The following C19orf38 variants were observed in gnomAD, a reference collection of about 807,000 sequenced individuals.
C19orf38 encodes the protein chromosome 19 open reading frame 38, also known as protein HIDE1.
A neutral mutation model predicts 26.6 loss-of-function variants in C19orf38; 14 were observed. The observed-to-expected ratio is 0.53, with a 90% CI of 0.35 to 0.82. The LOEUF (loss-of-function observed/expected upper bound fraction) is 0.82, where lower values mean the gene tolerates loss of function less well. C19orf38 is among the 40% of genes least tolerant of loss of function. C19orf38 has a pLI of 0.01. For synonymous variants in C19orf38, 132 were observed against 128.5 expected (o/e 1.03, Z -0.18); for missense variants, 261 against 299.5 (o/e 0.87, Z 0.95).
intron 1 of C19orf38, among the ~76,000 whole-genome samples, chr19:10,838,068 T>A (rs745980181): frequency 1.3e-5 from 2 of 152,220 alleles, no homozygotes; most frequent in Non-Finnish European, 2.9e-5. Context: ...GTGTTGGGAT[T>A]ACTAAAATTG....
chr19:10,841,977 C>G (rs906428222), intron 1 of C19orf38: 65 of 1,610,206 alleles, frequency 4.0e-5, no homozygotes, highest in Middle Eastern at 2.2e-4. Context: ...AATTTCAGGT[C>G]TTAAATCTGG....
chr19:10,859,254 GTGTGTGTGTGTGTGTGTGTGTGTGTA>G (rs2073664198), intron 4 of C19orf38, among the ~76,000 whole-genome samples: 1 of 133,626 alleles, frequency 7.5e-6, no homozygotes, highest in Non-Finnish European at 1.6e-5. Flanking sequence ...ATGTGTGTGT[GTGTGTGTGTGTGTGTGTGTGTGTGTA>G]TGTGTGTGTG....
intron 1 of C19orf38, among the ~76,000 whole-genome samples, chr19:10,837,299 A>T (rs887191699): frequency 3.9e-5 from 6 of 152,118 alleles, no homozygotes; most frequent in Admixed American, 6.6e-5. Flanking sequence ...GATGACAAAG[A>T]TCCCTCAAAT....
At chr19:10,839,511 G>GC (rs1220808084) in intron 1 of C19orf38, among the ~76,000 whole-genome samples, 4 of 152,058 alleles carry the variant, frequency 2.6e-5, no homozygotes, top group African/African-American at 4.8e-5. Context: ...ATTACACTTT[G>GC]CCCCCCGCCT....
In C19orf38 at chr19:10,869,440, G is replaced by T; in HGVS notation, c.*73G>T. 6.9e-7 allele frequency: 1 copy of T among 1,457,034 alleles called. No homozygotes were observed. Among genetic ancestry groups the T allele is most frequent in the Non-Finnish European group, 9.1e-7 (1 of 1,100,964 alleles). 90.3% of individuals were successfully genotyped at this position (1,457,034 alleles called of 1,614,324 possible). ...AGGTCCCTCCAGCTACTTCTGGGGG[G>T]GCTCTGTCAGCCACTTTCTCAGGGA... On this transcript the variant is annotated 3_prime_UTR_variant, in exon 7 of 7. Transcript: ENST00000397820.
chr19:10,862,469 C>T (rs75676272), intron 5 of C19orf38, among the ~76,000 whole-genome samples: 1 of 151,958 alleles, frequency 6.6e-6, no homozygotes, highest in African/African-American at 2.4e-5. Context: ...CCTTCCAAAG[C>T]GTTGGGATTA....
At position 10,866,204 on chromosome 19, in the gene C19orf38, A is replaced by AT. The variant is rs761189003; in HGVS notation, c.544-2999dup. 3.6e-3 allele frequency among the ~76,000 whole-genome samples: 464 copies of AT among 129,182 alleles called. 7 individuals are homozygous for AT. In the South Asian group the frequency reaches 0.052, roughly 15 times the overall value. The allele number at this position is 129,182 out of a possible 152,430, so 84.7% of individuals were successfully genotyped here. A position where few individuals can be genotyped will look rare whatever the true frequency, so the allele number is the denominator to read the frequency against. ...AGGTGCCTGCCACCATGCCTGGCTA[A>AT]TTTTTTTTTTTTTTTGAGACGGACT... On this transcript the variant is annotated intron_variant, in intron 6 of 6. Transcript: ENST00000397820.
At chr19:10,852,615 A>G (rs2073584230) in intron 2 of C19orf38, among the ~76,000 whole-genome samples, 1 of 152,184 alleles carries the variant, frequency 6.6e-6, no homozygotes, top group African/African-American at 2.4e-5. Context: ...TGTTGCAGGC[A>G]GAGGATACAG....
intron 5 of C19orf38, among the ~76,000 whole-genome samples, chr19:10,861,348 G>A (rs1260378086): frequency 6.6e-6 from 1 of 152,202 alleles, no homozygotes; most frequent in African/African-American, 2.4e-5. Flanking sequence ...CTGTCATGCA[G>A]GATATTCTCT....
intron 6 of C19orf38, among the ~76,000 whole-genome samples, chr19:10,867,638 A>ATT (rs2073765021): frequency 1.1e-5 from 1 of 89,892 alleles, no homozygotes; most frequent in Non-Finnish European, 2.3e-5. Flanking sequence ...AAGGAAGAAC[A>ATT]TTCTTTTTTT....
upstream of C19orf38, chr19:10,848,323 G>C: frequency 1.6e-6 from 1 of 611,068 alleles, no homozygotes; most frequent in Non-Finnish European, 3.0e-6. Flanking sequence ...GGGAAGGGGT[G>C]GGGAGGGGAG....
intron 2 of C19orf38, among the ~76,000 whole-genome samples, chr19:10,853,047 C>CAA (rs530349055): frequency 5.9e-5 from 5 of 84,596 alleles, no homozygotes; most frequent in African/African-American, 1.3e-4. Flanking sequence ...CCTGTCTCTA[C>CAA]AAAAAAAAAA....
At chr19:10,857,339 C>CATATATATATATATATAT (rs1215628613) in intron 3 of C19orf38, among the ~76,000 whole-genome samples, 8 of 54,014 alleles carry the variant, frequency 1.5e-4, no homozygotes, top group African/African-American at 5.4e-4. Flanking sequence ...CACACACATA[C>CATATATATATATATATAT]ATATATATAT....
chr19:10,863,277 G>A lies in C19orf38; in HGVS notation c.543+70G>A. The A allele has an allele frequency of 2.7e-6, 4 of 1,490,580 alleles. No homozygotes were observed. The East Asian group carries it at 9.9e-5, about 37-fold the overall frequency. 92.3% of individuals were successfully genotyped at this position (1,490,580 alleles called of 1,614,324 possible). On this transcript the variant is annotated intron_variant, in intron 6 of 6. Coordinates refer to ENST00000397820, the MANE Select transcript of C19orf38 (RefSeq NM_001136482.3). Reference sequence around the variant, plus strand: ...TACCGGGAGAACGGGGCGGGCTCAAGGGGCACCACGAGGCTAAGTTGACCT... The same window carrying A: ...TACCGGGAGAACGGGGCGGGCTCAAAGGGCACCACGAGGCTAAGTTGACCT...
rs1453593093 is a variant in C19orf38 at position 10,863,196 on chromosome 19, A to C, written c.532A>C (p.Thr178Pro). 6.4e-7 allele frequency: 1 copy of C among 1,551,324 alleles called. No individual in the cohort carries two copies. ...TDMSFDNSLF[T>P]VSAKTMPEED... Reference sequence around the variant, plus strand: ...CATGTCCTTCGATAACTCCCTGTTTACCGTCTCCGCGGTGAGTGGTTCTTT... The same window carrying C: ...CATGTCCTTCGATAACTCCCTGTTTCCCGTCTCCGCGGTGAGTGGTTCTTT... The change falls in exon 6 of 7, where the codon ACC becomes CCC. Residue 178 changes from threonine (T) to proline (P), a missense_variant. Physicochemically the swap from Thr to Pro is conservative, Grantham distance 38. Coordinates refer to ENST00000397820, the MANE Select transcript of C19orf38 (RefSeq NM_001136482.3).
chr19:10,839,795 C>A (rs2073466083), intron 1 of C19orf38, among the ~76,000 whole-genome samples: 1 of 143,576 alleles, frequency 7.0e-6, no homozygotes, highest in African/African-American at 2.6e-5. Flanking sequence ...GTGGTGTGAT[C>A]ACAGCTCACC....
At chr19:10,845,060 G>A (rs2073506540), upstream of C19orf38, among the ~76,000 whole-genome samples, 1 of 151,298 alleles carries the variant, frequency 6.6e-6, no homozygotes, top group Admixed American at 6.6e-5. Context: ...GGAAGGCTGA[G>A]GTGGGAGGAT....
upstream of C19orf38, among the ~76,000 whole-genome samples, chr19:10,847,307 T>G (rs946043151): frequency 1.3e-5 from 2 of 151,984 alleles, no homozygotes; most frequent in African/African-American, 2.4e-5. Context: ...CTTGTGAGCA[T>G]GCACTACCCA....
At chr19:10,867,794 AG>A (rs2073767048) in intron 6 of C19orf38, among the ~76,000 whole-genome samples, 1 of 151,034 alleles carries the variant, frequency 6.6e-6, no homozygotes, top group South Asian at 2.1e-4. Flanking sequence ...CTGGGATTAC[AG>A]GCGCCTGCCA....
Sources: allele counts gnomAD v4.1 joint callset (sites outside exome capture counted in the v4.1 genomes callset), GRCh38; gene constraint gnomAD v4.1.1; transcripts MANE v1.5; gene names NCBI Gene and HGNC (gene_info 2026-07-23, HGNC 2026-07-21).